GRID1: variants seen among roughly 807,000 people sequenced by gnomAD.
The protein encoded by GRID1 is glutamate ionotropic receptor delta type subunit 1.
Under a neutral mutation model 98.0 loss-of-function variants are expected in GRID1, and 28 were observed. That is an observed-to-expected ratio of 0.29 (90% confidence interval 0.21 to 0.39). The LOEUF (loss-of-function observed/expected upper bound fraction) is 0.39. Ranked by LOEUF, GRID1 falls within the 10% of genes least tolerant of loss-of-function variation. The probability of loss-of-function intolerance (pLI) is 1.00; values close to 1 mark genes in which losing one functional copy is unlikely to be tolerated. For synonymous variants in GRID1, 553 were observed against 538.5 expected, an observed-to-expected ratio of 1.03 and a Z score of -0.37; for missense variants, 1,111 against 1,340.5, an observed-to-expected ratio of 0.83 and a Z score of 2.67.
chr10:86,049,427 A>T (rs573494696), intron 4 of GRID1, among the ~76,000 whole-genome samples: 128 of 152,234 alleles, frequency 8.4e-4, no homozygotes, highest in Non-Finnish European at 1.5e-3. Context: ...TTCCTGAATA[A>T]GAATAACTGG....
intron 4 of GRID1, among the ~76,000 whole-genome samples, chr10:86,010,696 T>C (rs1444674058): frequency 6.6e-6 from 1 of 151,550 alleles, no homozygotes. Context: ...TGTGCACCTG[T>C]AGTCCCAGCT....
intron 4 of GRID1, among the ~76,000 whole-genome samples, chr10:86,004,503 T>C (rs1387387585): frequency 6.6e-6 from 1 of 152,160 alleles, no homozygotes; most frequent in African/African-American, 2.4e-5. Flanking sequence ...CCCTCCATGA[T>C]GTGAGTGGGC....
At chr10:85,981,652 C>G (rs1285021657) in intron 4 of GRID1, among the ~76,000 whole-genome samples, 1 of 152,202 alleles carries the variant, frequency 6.6e-6, no homozygotes, top group Non-Finnish European at 1.5e-5. Flanking sequence ...CACCATTGCT[C>G]TCCGTCTTTC....
chr10:85,765,494 A>G (rs1842189248), intron 8 of GRID1, among the ~76,000 whole-genome samples: 1 of 152,204 alleles, frequency 6.6e-6, no homozygotes, highest in Admixed American at 6.5e-5. Context: ...TTGACATGAC[A>G]CAAATGGAAA....
At chr10:85,873,268 AAAC>A (rs1167791783) in intron 5 of GRID1, among the ~76,000 whole-genome samples, 2 of 152,212 alleles carry the variant, frequency 1.3e-5, no homozygotes, top group African/African-American at 4.8e-5. Context: ...GCTTCTTGGA[AAAC>A]AAACTTTCCC....
At chr10:85,799,604 C>G (rs1223285611) in intron 8 of GRID1, among the ~76,000 whole-genome samples, 2 of 151,944 alleles carry the variant, frequency 1.3e-5, no homozygotes, top group African/African-American at 4.8e-5. Flanking sequence ...TTACGTTAAC[C>G]CAAATAAGCC....
intron 4 of GRID1, among the ~76,000 whole-genome samples, chr10:86,115,722 C>T (rs937821126): frequency 7.9e-5 from 12 of 152,298 alleles, no homozygotes; most frequent in East Asian, 1.9e-4. Flanking sequence ...ACAGAGCCAG[C>T]GACCCCAGCA....
chr10:86,147,429 G>C (rs987687150), intron 3 of GRID1, among the ~76,000 whole-genome samples: 1 of 152,164 alleles, frequency 6.6e-6, no homozygotes, highest in African/African-American at 2.4e-5. Context: ...TCACATACTT[G>C]ACTTCAAACT....
chr10:85,822,622 C>T (rs1419085304), intron 8 of GRID1, among the ~76,000 whole-genome samples: 2 of 152,156 alleles, frequency 1.3e-5, no homozygotes, highest in African/African-American at 4.8e-5. Context: ...TTGTGGAAGT[C>T]GGTGTGGCGA....
chr10:86,161,695 G>C (rs748661733), intron 3 of GRID1, among the ~76,000 whole-genome samples: 1 of 152,148 alleles, frequency 6.6e-6, no homozygotes, highest in South Asian at 2.1e-4. Flanking sequence ...CATCACCCTG[G>C]TTCTGGGCAG....
At chr10:86,015,817 C>G (rs1486541326) in intron 4 of GRID1, among the ~76,000 whole-genome samples, 2 of 152,116 alleles carry the variant, frequency 1.3e-5, no homozygotes, top group Non-Finnish European at 2.9e-5. Flanking sequence ...CCTGACAGTA[C>G]AGAAGGTGAG....
chr10:86,158,027 T>G (rs1248834660), intron 3 of GRID1, among the ~76,000 whole-genome samples: 1 of 152,202 alleles, frequency 6.6e-6, no homozygotes, highest in Non-Finnish European at 1.5e-5. Flanking sequence ...GCATGAATTC[T>G]CAGGATTTTC....
At chr10:86,215,972 CAT>C (rs1316100252) in intron 2 of GRID1, among the ~76,000 whole-genome samples, 1 of 152,228 alleles carries the variant, frequency 6.6e-6, no homozygotes, top group Non-Finnish European at 1.5e-5. Flanking sequence ...ATGCTCTCTA[CAT>C]GTAGACATGC....
chr10:86,044,913 C>A (rs367781176), intron 4 of GRID1, among the ~76,000 whole-genome samples: 1 of 152,132 alleles, frequency 6.6e-6, no homozygotes, highest in Non-Finnish European at 1.5e-5. Flanking sequence ...CATCCCAGGG[C>A]CCTGAGTCAG....
intron 4 of GRID1, among the ~76,000 whole-genome samples, chr10:86,084,127 G>A (rs946300411): frequency 2.6e-5 from 4 of 152,170 alleles, no homozygotes; most frequent in Non-Finnish European, 5.9e-5. Context: ...GACTCACAAA[G>A]CAGTGACGGG....
rs565833998 is a variant in GRID1 at position 86,229,257 on chromosome 10, C to A, written c.236-22609G>T. Among the ~76,000 whole-genome samples the A allele has an allele frequency of 2.0e-3, 310 of 152,160 alleles. 1 individual carries two copies. The highest frequency in any genetic ancestry group is 6.9e-3 in the Middle Eastern group (2 of 290). On this transcript the variant is annotated intron_variant, in intron 2 of 15. Coordinates refer to ENST00000327946, the MANE Select transcript of GRID1 (RefSeq NM_017551.3). ...AGTGCCTGGGGCCAGCACTGCCAGT[C>A]CCCCTCCTCCCAGGGCAGAGGAGCA...
chr10:85,959,422 T>C (rs1345574603), intron 4 of GRID1, among the ~76,000 whole-genome samples: 5 of 152,154 alleles, frequency 3.3e-5, no homozygotes, highest in Admixed American at 3.3e-4. Flanking sequence ...CTTGAGATGT[T>C]CAGGGCAATG....
chr10:86,192,613 A>G lies in GRID1; in HGVS notation c.520+13751T>C, dbSNP rs1214147147. ...TGAGAACCTTCTGGAGATGAACGGTAGTGACTGCAATATGACTGTACTTAA... is the reference window on the plus strand; with the variant it reads ...TGAGAACCTTCTGGAGATGAACGGTGGTGACTGCAATATGACTGTACTTAA... On this transcript the variant is annotated intron_variant, in intron 3 of 15. Coordinates refer to ENST00000327946, the MANE Select transcript of GRID1 (RefSeq NM_017551.3). This position sits in a 1 kb window ranked among gnomAD's most constrained non-coding sequence, Gnocchi z 4.8. 6.7e-6 allele frequency among the ~76,000 whole-genome samples: 1 copy of G among 150,354 alleles called. No homozygotes were observed. Among genetic ancestry groups the G allele is most frequent in the East Asian group, 1.9e-4 (1 of 5,202 alleles).
chr10:86,261,753 G>A (rs1847018687), intron 2 of GRID1, among the ~76,000 whole-genome samples: 1 of 150,592 alleles, frequency 6.6e-6, no homozygotes, highest in African/African-American at 2.4e-5. Flanking sequence ...CACCTGAGCA[G>A]GGGCATTGAG....
Sources: gnomAD v4.1 joint callset for allele counts (sites outside exome capture counted in the v4.1 genomes callset) on GRCh38, gnomAD v4.1.1 for gene constraint, Gnocchi (gnomAD v3.1) non-coding constraint, MANE v1.5 for transcripts, NCBI Gene and HGNC (gene_info 2026-07-23, HGNC 2026-07-21) for gene names.